The following CFAP95 variants were observed in gnomAD, a reference collection of about 807,000 sequenced individuals.
CFAP95 encodes the protein cilia- and flagella-associated protein 95.
At chr9:69,856,831 T>A in the CFAP95 span, among the ~76,000 whole-genome samples, 1 of 152,114 alleles carries the variant, frequency 6.6e-6, no homozygotes, top group African/African-American at 2.4e-5. Flanking sequence ...CTGTTCTCTC[T>A]GTTTGGGAGT....
the CFAP95 span, among the ~76,000 whole-genome samples, chr9:69,826,493 GC>G: frequency 1.3e-5 from 2 of 151,972 alleles, no homozygotes. Context: ...ACGATAAAAA[GC>G]AAAGAAAAAA....
chr9:69,844,708 T>C, the CFAP95 span: 2 of 949,240 alleles, frequency 2.1e-6, no homozygotes, highest in Non-Finnish European at 3.2e-6. Flanking sequence ...GAGTGTTTTG[T>C]GCAGCACCAT....
the CFAP95 span, among the ~76,000 whole-genome samples, chr9:69,888,552 T>C: frequency 1.3e-5 from 2 of 152,162 alleles, no homozygotes; most frequent in African/African-American, 4.8e-5. Context: ...GATTTTTCTT[T>C]TGAGAATAAA....
the CFAP95 span, among the ~76,000 whole-genome samples, chr9:69,846,122 T>C: frequency 6.6e-6 from 1 of 152,214 alleles, no homozygotes; most frequent in Non-Finnish European, 1.5e-5. Context: ...TTGATTTCTA[T>C]ATTAAAGATG....
the CFAP95 span, among the ~76,000 whole-genome samples, chr9:69,835,069 C>T: frequency 6.6e-6 from 1 of 152,118 alleles, no homozygotes; most frequent in Non-Finnish European, 1.5e-5. Flanking sequence ...GGGAATATAG[C>T]TGACTCTCAA....
the CFAP95 span, among the ~76,000 whole-genome samples, chr9:69,900,935 A>G: frequency 2.6e-5 from 4 of 152,116 alleles, no homozygotes; most frequent in Non-Finnish European, 5.9e-5. Flanking sequence ...TTACATATGT[A>G]TACATGTGCC....
chr9:69,859,661 AC>A, the CFAP95 span, among the ~76,000 whole-genome samples: 2 of 152,170 alleles, frequency 1.3e-5, no homozygotes, highest in African/African-American at 4.8e-5. Context: ...AAGCCCTAGT[AC>A]CAGTACAGTC....
chr9:69,876,987 A>G, the CFAP95 span, among the ~76,000 whole-genome samples: 1 of 152,228 alleles, frequency 6.6e-6, no homozygotes, highest in Non-Finnish European at 1.5e-5. Context: ...CTTTTCTGAA[A>G]ACTTTGTTTA....
the CFAP95 span, among the ~76,000 whole-genome samples, chr9:69,875,385 T>C: frequency 6.6e-6 from 1 of 152,208 alleles, no homozygotes; most frequent in South Asian, 2.1e-4. Context: ...GCATACTCAG[T>C]GTAGTTAATC....
chr9:69,858,084 C>A, the CFAP95 span: 1 of 957,134 alleles, frequency 1.0e-6, no homozygotes. Flanking sequence ...AACAAAATGC[C>A]CTTTACATGA....
chr9:69,850,001 C>G, the CFAP95 span, among the ~76,000 whole-genome samples: 1 of 152,132 alleles, frequency 6.6e-6, no homozygotes, highest in African/African-American at 2.4e-5. Context: ...ACTTGTAAAG[C>G]CTTTCACCCA....
chr9:69,883,028 G>A, the CFAP95 span, among the ~76,000 whole-genome samples: 5 of 152,130 alleles, frequency 3.3e-5, 1 homozygote, highest in South Asian at 1.0e-3. Flanking sequence ...ATTGGTATCA[G>A]TTCTTTAAAT....
the CFAP95 span, among the ~76,000 whole-genome samples, chr9:69,841,877 G>T: frequency 6.6e-6 from 1 of 152,140 alleles, no homozygotes; most frequent in African/African-American, 2.4e-5. Flanking sequence ...CCGCCCCCAT[G>T]ATTCAATTAC....
At chr9:69,871,426 A>T in the CFAP95 span, among the ~76,000 whole-genome samples, 1 of 152,250 alleles carries the variant, frequency 6.6e-6, no homozygotes, top group Non-Finnish European at 1.5e-5. Context: ...TACGGTAGGA[A>T]TAATCAGATT....
At chr9:69,831,655 A>G in the CFAP95 span, among the ~76,000 whole-genome samples, 2 of 152,212 alleles carry the variant, frequency 1.3e-5, no homozygotes, top group Non-Finnish European at 2.9e-5. Context: ...GGGAGCATCC[A>G]AGAGGAGCCT....
At chr9:69,862,360 G>A in the CFAP95 span, among the ~76,000 whole-genome samples, 1 of 152,088 alleles carries the variant, frequency 6.6e-6, no homozygotes, top group East Asian at 1.9e-4. Flanking sequence ...TGATTCATGA[G>A]TATTAACAAG....
At chr9:69,843,067 C>T in the CFAP95 span, among the ~76,000 whole-genome samples, 2 of 152,122 alleles carry the variant, frequency 1.3e-5, no homozygotes, top group African/African-American at 4.8e-5. Flanking sequence ...GATTTTTACC[C>T]ACACTTACCA....
the CFAP95 span, among the ~76,000 whole-genome samples, chr9:69,903,411 C>T: frequency 6.6e-6 from 1 of 152,254 alleles, no homozygotes; most frequent in East Asian, 1.9e-4. Context: ...GAGATCAGTC[C>T]TACCCAAACC....
the CFAP95 span, among the ~76,000 whole-genome samples, chr9:69,865,753 A>G: frequency 3.3e-5 from 5 of 152,198 alleles, no homozygotes; most frequent in African/African-American, 7.2e-5. Context: ...CTTCTTATAC[A>G]AGCTGATATT....
Sources: allele counts gnomAD v4.1 joint callset (sites outside exome capture counted in the v4.1 genomes callset), GRCh38; gene constraint gnomAD v4.1.1; transcripts MANE v1.5; gene names NCBI Gene and HGNC (gene_info 2026-07-23, HGNC 2026-07-21).